LMO2: variants seen among roughly 807,000 people sequenced by gnomAD.
LMO2 encodes the protein rhombotin-2.
Under a neutral mutation model 23.2 loss-of-function variants are expected in LMO2, and 20 were observed. The ratio of observed to expected loss-of-function variants is 0.86; its 90% CI spans 0.61 to 1.25. LMO2 has a LOEUF of 1.25. Ranked by LOEUF, LMO2 falls within the 50% of genes most tolerant of loss-of-function variation. The probability of loss-of-function intolerance (pLI) is 0.00; values close to 1 mark genes in which losing one functional copy is unlikely to be tolerated. For missense variants in LMO2, 270 were observed against 315.3 expected, an observed-to-expected ratio of 0.86 and a Z score of 1.09; for synonymous variants, 123 against 130.2, an observed-to-expected ratio of 0.94 and a Z score of 0.38.
chr11:33,869,278 C>A (rs904741097), intron 4 of LMO2, 68 bp downstream of exon 4: 9 of 1,097,014 alleles, frequency 8.2e-6, no homozygotes, highest in South Asian at 4.4e-5. Flanking sequence ...CCGCCCGGGT[C>A]CCCCCGACGC....
At chr11:33,861,183 G>A (rs902375111) in intron 5 of LMO2, among the ~76,000 whole-genome samples, 3 of 152,248 alleles carry the variant, frequency 2.0e-5, no homozygotes, top group African/African-American at 7.2e-5. Flanking sequence ...CAGTCTTGCT[G>A]CAGGAAGTAA....
At chr11:33,877,222 TAAAG>T (rs1476070389) in intron 2 of LMO2, among the ~76,000 whole-genome samples, 1 of 152,160 alleles carries the variant, frequency 6.6e-6, no homozygotes, top group African/African-American at 2.4e-5. Context: ...GAAGGCAACA[TAAAG>T]AAGGTGCCAG....
intron 1 of LMO2, among the ~76,000 whole-genome samples, chr11:33,886,132 C>A (rs1358601918): frequency 2.6e-5 from 4 of 152,176 alleles, no homozygotes; most frequent in Non-Finnish European, 5.9e-5. Context: ...CCTGCCTTGG[C>A]CTCCCAAAGT....
chr11:33,884,322 G>A lies in LMO2; in HGVS notation c.-335-2435C>T, dbSNP rs141526203. 3.7e-3 allele frequency among the ~76,000 whole-genome samples: 562 copies of A among 152,146 alleles called. 6 individuals carry two copies. Among genetic ancestry groups the A allele is most frequent in the Non-Finnish European group, 2.5e-3 (172 of 68,014 alleles). ...GATCTGCTCCATTGGGGGTCAGGCT[G>A]GGGGTGGTCAATCAAAAAGAGTAAG... On this transcript the variant is annotated intron_variant, in intron 1 of 5. Transcript: ENST00000257818.
chr11:33,888,044 G>A (rs1005360174), intron 1 of LMO2, among the ~76,000 whole-genome samples: 2 of 152,172 alleles, frequency 1.3e-5, no homozygotes, highest in Non-Finnish European at 2.9e-5. Context: ...TGGGGGCAGG[G>A]GGAATGACTG....
chr11:33,860,947 A>T (rs1856550920), intron 5 of LMO2, among the ~76,000 whole-genome samples: 1 of 152,330 alleles, frequency 6.6e-6, no homozygotes, highest in African/African-American at 2.4e-5. Flanking sequence ...GCAGTAACAC[A>T]AGTACCGGAA....
intron 5 of LMO2, among the ~76,000 whole-genome samples, chr11:33,862,947 GT>G (rs35696363): frequency 1.5e-4 from 23 of 150,082 alleles, no homozygotes; most frequent in East Asian, 9.7e-4. Flanking sequence ...CTCCCAGACT[GT>G]TTTTTTTTTC....
At chr11:33,878,970 G>C (rs74561221) in intron 2 of LMO2, among the ~76,000 whole-genome samples, 2,869 of 152,286 alleles carry the variant, frequency 0.019, 47 homozygotes, top group Non-Finnish European at 0.033. Context: ...CAATTGCCCA[G>C]TTCCTAGATT....
In LMO2 at chr11:33,880,376, A is replaced by G. The variant is rs1857253333; in HGVS notation, c.-272+1448T>C. ...AAAGGAAATTCTGACATAAGCTACA[A>G]CATGAAAGAAATTTGAAGACATTGA... On this transcript the variant is annotated intron_variant, in intron 2 of 5. Transcript: ENST00000257818. The surrounding 1 kb of genome is among the most constrained non-coding windows in gnomAD (Gnocchi z 4.3). 1.3e-5 allele frequency among the ~76,000 whole-genome samples: 2 copies of G among 151,686 alleles called. No individual in the cohort carries two copies. Among genetic ancestry groups the G allele is most frequent in the Non-Finnish European group, 2.9e-5 (2 of 67,950 alleles).
rs1856967482 is a variant in LMO2 at position 33,870,049 on chromosome 11, C to T, written c.-271-62G>A. On this transcript the variant is annotated intron_variant, in intron 2 of 5. Coordinates refer to ENST00000257818, the MANE Select transcript of LMO2 (RefSeq NM_005574.4). ...TTTAAAGAGACAGCTGCCCGGTCCCCCCACCTCCCCTTTTTTCTTCCTTTT... is the reference window on the plus strand; with the variant it reads ...TTTAAAGAGACAGCTGCCCGGTCCCTCCACCTCCCCTTTTTTCTTCCTTTT... 3 of 678,952 alleles carry T rather than the reference C, an allele frequency of 4.4e-6. No homozygotes were observed. In the South Asian group the frequency reaches 2.0e-4, roughly 45 times the overall value. The allele number at this position is 678,952 out of a possible 1,614,324, so 42.1% of individuals were successfully genotyped here. A position where few individuals can be genotyped will look rare whatever the true frequency, so the allele number is the denominator to read the frequency against.
chr11:33,878,850 A>T (rs1317901760), intron 2 of LMO2, among the ~76,000 whole-genome samples: 1 of 152,236 alleles, frequency 6.6e-6, no homozygotes, highest in East Asian at 1.9e-4. Flanking sequence ...TCCTTGGAGA[A>T]GAGAGACCAT....
In LMO2 at chr11:33,859,479, T is replaced by C. The variant is rs1856486160; in HGVS notation, c.561A>G (p.Glu187=). The part of the protein sequence containing the change: ...MRVKDKVYHL[E]CFKCAACQKH... ...TCTGACAGGCGGCGCATTTGAAACATTCCAGGTGATACACTTTGTCTTTCA... is the reference window on the plus strand; with the variant it reads ...TCTGACAGGCGGCGCATTTGAAACACTCCAGGTGATACACTTTGTCTTTCA... The change falls in exon 6 of 6, where the codon GAA becomes GAG. Residue 187 remains glutamate, a synonymous_variant. Transcript: ENST00000257818. The C allele has an allele frequency of 1.2e-6, 2 of 1,614,084 alleles. No individual in the cohort carries two copies. Among genetic ancestry groups the C allele is most frequent in the Non-Finnish European group, 1.7e-6 (2 of 1,179,974 alleles).
chr11:33,863,057 C>T (rs1301049992), intron 5 of LMO2, among the ~76,000 whole-genome samples: 2 of 152,012 alleles, frequency 1.3e-5, no homozygotes, highest in East Asian at 1.9e-4. Flanking sequence ...GAAGCTGGGG[C>T]TCTTCTGACC....
At chr11:33,875,919 G>A (rs1219254980) in intron 2 of LMO2, among the ~76,000 whole-genome samples, 3 of 152,212 alleles carry the variant, frequency 2.0e-5, no homozygotes, top group Non-Finnish European at 2.9e-5. Context: ...CAAATTCACT[G>A]TGGCCTGGAA....
chr11:33,869,833 C>T lies in LMO2; in HGVS notation c.-117G>A, dbSNP rs1289026254. On this transcript the variant is annotated 5_prime_UTR_variant, in exon 3 of 6. Transcript: ENST00000257818. ...CCCGGAGCCCCTCGCACCTTCGGCCCGGGTCGCGGCGCGCTGCTCGCCGCC... is the reference window on the plus strand; with the variant it reads ...CCCGGAGCCCCTCGCACCTTCGGCCTGGGTCGCGGCGCGCTGCTCGCCGCC... 8.4e-6 allele frequency: 9 copies of T among 1,069,396 alleles called. No individual in the cohort carries two copies. The highest frequency in any genetic ancestry group is 6.2e-5 in the East Asian group (1 of 16,202). 66.2% of individuals were successfully genotyped at this position (1,069,396 alleles called of 1,614,324 possible).
chr11:33,877,520 G>A (rs543187116), intron 2 of LMO2, among the ~76,000 whole-genome samples: 1 of 144,420 alleles, frequency 6.9e-6, no homozygotes, highest in Admixed American at 7.1e-5. Flanking sequence ...GCTGGAGTGC[G>A]GTGGCGTGAT....
Position 33,880,195 on chromosome 11 carries a change from T to G in LMO2, c.-272+1629A>C, listed in dbSNP as rs1857235472. Among the ~76,000 whole-genome samples the G allele has an allele frequency of 1.3e-5, 2 of 149,004 alleles. No individual in the cohort carries two copies. Among genetic ancestry groups the G allele is most frequent in the South Asian group, 4.2e-4 (2 of 4,794 alleles). On this transcript the variant is annotated intron_variant, in intron 2 of 5. Transcript: ENST00000257818. The surrounding 1 kb of genome is among the most constrained non-coding windows in gnomAD (Gnocchi z 4.3). ...ATATACACATGATATATATATCATA[T>G]ATACACATGATATATATATCATATA... is the stretch of plus-strand genomic sequence containing the variant.
At chr11:33,861,717 C>T (rs761280112) in intron 5 of LMO2, among the ~76,000 whole-genome samples, 16 of 152,056 alleles carry the variant, frequency 1.1e-4, no homozygotes, top group African/African-American at 3.6e-4. Flanking sequence ...CTGGGGTGTG[C>T]GATCCTTAAG....
Position 33,864,683 on chromosome 11 carries a change from A to C in LMO2, c.383T>G (p.Leu128Arg). 1 of 1,614,076 alleles carries C rather than the reference A, an allele frequency of 6.2e-7. No individual in the cohort carries two copies. The highest frequency in any genetic ancestry group is 8.5e-7 in the Non-Finnish European group (1 of 1,180,030). ...CACCTCACCCAGCCGGCAGCCACAG[A>C]GGTCGCAGCTCAGGCAGTCCTCGTG... The part of the protein sequence containing the change: ...YWHEDCLSCD[L>R]CGCRLGEVGR... The change falls in exon 5 of 6, where the codon CTC becomes CGC. Residue 128 changes from leucine (L) to arginine (R), a missense_variant. By Grantham distance (102) the Leu-to-Arg change is moderately radical. This residue lies in a region of LMO2 where 100 missense variants were observed against 153.3 expected (regional missense o/e 0.65). Coordinates refer to ENST00000257818, the MANE Select transcript of LMO2 (RefSeq NM_005574.4). The surrounding 1 kb of genome is among the most constrained non-coding windows in gnomAD (Gnocchi z 4.8).
Sources: gnomAD v4.1 joint callset for allele counts (sites outside exome capture counted in the v4.1 genomes callset) on GRCh38, gnomAD v4.1.1 for gene constraint, gnomAD v4.1.1 regional missense constraint, Gnocchi (gnomAD v3.1) non-coding constraint, MANE v1.5 for transcripts, NCBI Gene and HGNC (gene_info 2026-07-23, HGNC 2026-07-21) for gene names.